Variants in PACS2 observed in about 807,000 individuals in gnomAD.
PACS2 encodes PACS1-like protein.
PACS2 carries 36 observed loss-of-function variants against 113.0 expected under a neutral mutation model. The ratio of observed to expected loss-of-function variants is 0.32; its 90% confidence interval spans 0.24 to 0.42. The LOEUF is 0.42. PACS2 is among the 10% of genes least tolerant of loss of function. The probability of loss-of-function intolerance (pLI) is 1.00; values close to 1 mark genes in which losing one functional copy is unlikely to be tolerated. For missense variants in PACS2, 1,015 were observed against 1,239.5 expected, an observed-to-expected ratio of 0.82 and a Z score of 2.72; for synonymous variants, 589 against 536.1, an observed-to-expected ratio of 1.10 and a Z score of -1.36.
At chr14:105,377,805 T>C (rs1268896222) in intron 9 of PACS2, among the ~76,000 whole-genome samples, 4 of 152,222 alleles carry the variant, frequency 2.6e-5, no homozygotes, top group Non-Finnish European at 5.9e-5. Flanking sequence ...CTGTTCCTCC[T>C]GTTCTGGAGA....
At chr14:105,384,771 C>A in intron 17 of PACS2, 108 bp from the exon 18 acceptor site, 1 of 741,584 alleles carries the variant, frequency 1.3e-6, no homozygotes, top group Non-Finnish European at 2.4e-6. Flanking sequence ...CCCTGCCGCG[C>A]TTCGGGGTAC....
At chr14:105,371,555 A>G (rs1209885917) in intron 8 of PACS2, 1 of 152,134 alleles carries the variant, frequency 6.6e-6, no homozygotes, top group Non-Finnish European at 1.5e-5. Flanking sequence ...GAGTGATGGG[A>G]TCTCTTTCCG....
chr14:105,388,382 T>G (rs1407837358), intron 19 of PACS2, among the ~76,000 whole-genome samples: 1 of 152,208 alleles, frequency 6.6e-6, no homozygotes, highest in Non-Finnish European at 1.5e-5. Context: ...GTTTTACTTG[T>G]GGGCACACTT....
Position 105,384,252 on chromosome 14 carries a change from A to G in PACS2, c.1781-101A>G, listed in dbSNP as rs964355444. ...AAAGTGGGCTTGTCTGGAAGGCAGC[A>G]GCACAGGCCTGGGGTCGGGTGGCCC... On this transcript the variant is annotated intron_variant, in intron 16 of 24. Coordinates refer to ENST00000447393, the MANE Select transcript of PACS2 (RefSeq NM_001100913.3). 7 of 659,014 alleles carry G rather than the reference A, an allele frequency of 1.1e-5. No individual in the cohort carries two copies. The African/African-American group carries it at 1.3e-4, about 12-fold the overall frequency. 40.8% of individuals were successfully genotyped at this position (659,014 alleles called of 1,614,324 possible). A position where few individuals can be genotyped will look rare whatever the true frequency, so the allele number is the denominator to read the frequency against.
chr14:105,357,114 C>T lies in PACS2; in HGVS notation c.423+1937C>T, dbSNP rs9671246. On this transcript the variant is annotated intron_variant, in intron 4 of 24. Transcript: ENST00000447393. The surrounding 1 kb of genome is among the most constrained non-coding windows in gnomAD (Gnocchi z 5.1). Reference sequence around the variant, plus strand: ...TCAGTCTGCACCCCAGTGCCCCAGGCGGCTCCTCCCAGCCCCTCTCAGCAC... The same window carrying T: ...TCAGTCTGCACCCCAGTGCCCCAGGTGGCTCCTCCCAGCCCCTCTCAGCAC... 0.042 allele frequency among the ~76,000 whole-genome samples: 6,437 copies of T among 152,246 alleles called. 485 individuals carry two copies. The highest frequency in any genetic ancestry group is 0.15 in the African/African-American group (6,166 of 41,514).
At chr14:105,328,125 G>C (rs1252043414) in intron 1 of PACS2, among the ~76,000 whole-genome samples, 1 of 152,272 alleles carries the variant, frequency 6.6e-6, no homozygotes, top group Admixed American at 6.5e-5. Flanking sequence ...CTGATTAGGG[G>C]GTGACTCTTG....
chr14:105,377,238 G>A (rs587626586), intron 9 of PACS2, among the ~76,000 whole-genome samples: 29 of 152,250 alleles, frequency 1.9e-4, no homozygotes, highest in Admixed American at 1.1e-3. Flanking sequence ...TAGGGGATCC[G>A]TCTCTGGGGG....
chr14:105,384,719 T>C (rs1319808545), intron 17 of PACS2, among the ~76,000 whole-genome samples, 160 bp from the exon 18 acceptor site: 2 of 152,112 alleles, frequency 1.3e-5, no homozygotes, highest in Admixed American at 1.3e-4. Flanking sequence ...TGGTACTGCC[T>C]CGAGAGTAGA....
intron 7 of PACS2, among the ~76,000 whole-genome samples, chr14:105,368,806 C>T (rs909880730): frequency 1.1e-4 from 17 of 152,258 alleles, no homozygotes; most frequent in Non-Finnish European, 2.1e-4. Context: ...CGCTGCCAGG[C>T]TCACTCCATG....
intron 1 of PACS2, among the ~76,000 whole-genome samples, chr14:105,335,037 G>A (rs1409837882): frequency 1.3e-5 from 2 of 152,224 alleles, no homozygotes; most frequent in East Asian, 1.9e-4. Flanking sequence ...CTGGGCCTTC[G>A]GGTGACTGAG....
chr14:105,352,662 C>T (rs1289822406), intron 3 of PACS2, among the ~76,000 whole-genome samples, 195 bp downstream of exon 3: 1 of 137,848 alleles, frequency 7.3e-6, no homozygotes, highest in African/African-American at 2.8e-5. Context: ...CACCCCTCAT[C>T]ACCGTCCCCT....
intron 1 of PACS2, among the ~76,000 whole-genome samples, chr14:105,319,630 A>G (rs1307209488): frequency 6.6e-6 from 1 of 152,216 alleles, no homozygotes; most frequent in Non-Finnish European, 1.5e-5. Flanking sequence ...TTTGCAAAAG[A>G]CAAAGTTGTT....
At chr14:105,337,091 T>A (rs1170384682) in intron 1 of PACS2, among the ~76,000 whole-genome samples, 6 of 152,210 alleles carry the variant, frequency 3.9e-5, no homozygotes, top group Admixed American at 3.3e-4. Context: ...GGAATATTAC[T>A]TAGCCCTGAA....
chr14:105,393,656 C>T (rs1314975804), intron 24 of PACS2: 1 of 225,274 alleles, frequency 4.4e-6, no homozygotes, highest in East Asian at 1.3e-4. Flanking sequence ...ATGGTGTGAT[C>T]TCAGCTCACT....
intron 8 of PACS2, among the ~76,000 whole-genome samples, chr14:105,373,236 T>G (rs1274203429): frequency 1.3e-5 from 2 of 152,178 alleles, no homozygotes; most frequent in Admixed American, 6.5e-5. Context: ...CAGCTAAAAT[T>G]TATGTGTAAA....
intron 24 of PACS2, 108 bp downstream of exon 24, chr14:105,393,443 A>T: frequency 1.5e-6 from 1 of 652,046 alleles, no homozygotes; most frequent in South Asian, 1.9e-5. Flanking sequence ...TGTGACACGC[A>T]CATTCCACGA....
At position 105,317,016 on chromosome 14, in the gene PACS2, G is replaced by A. The variant is rs1362338585; in HGVS notation, c.119+1979G>A. ...AACAGGGCCCCTCATAGGCGGGCTT[G>A]CCCCTAGCTTTGCTTTGTGCTTGTG... On this transcript the variant is annotated intron_variant, in intron 1 of 24. Coordinates refer to ENST00000447393, the MANE Select transcript of PACS2 (RefSeq NM_001100913.3). This position sits in a 1 kb window ranked among gnomAD's most constrained non-coding sequence, Gnocchi z 4.2. Among the ~76,000 whole-genome samples, 3 of 152,192 alleles carry A rather than the reference G, an allele frequency of 2.0e-5. No homozygotes were observed. In the East Asian group the frequency reaches 5.8e-4, roughly 29 times the overall value.
chr14:105,386,933 C>T (rs888978862), intron 19 of PACS2, among the ~76,000 whole-genome samples: 16 of 152,332 alleles, frequency 1.1e-4, no homozygotes, highest in East Asian at 5.8e-4. Context: ...ATGTTCTGGC[C>T]GCCCGGCCGC....
intron 4 of PACS2, among the ~76,000 whole-genome samples, chr14:105,364,537 C>T (rs2060878053): frequency 6.6e-6 from 1 of 150,626 alleles, no homozygotes; most frequent in Non-Finnish European, 1.5e-5. Flanking sequence ...TGGGCGGCAC[C>T]ATCCAGGCTT....
Sources: allele counts gnomAD v4.1 joint callset (sites outside exome capture counted in the v4.1 genomes callset), GRCh38; gene constraint gnomAD v4.1.1; non-coding constraint Gnocchi (gnomAD v3.1); transcripts MANE v1.5; gene names NCBI Gene and HGNC (gene_info 2026-07-23, HGNC 2026-07-21).